The following RAD54L variants were observed in gnomAD, a reference collection of about 807,000 sequenced individuals.
The protein encoded by RAD54L is RAD54 like.
A neutral mutation model predicts 91.6 loss-of-function variants in RAD54L; 74 were observed. The ratio of observed to expected loss-of-function variants is 0.81; its 90% confidence interval spans 0.67 to 0.98. The LOEUF (loss-of-function observed/expected upper bound fraction) is 0.98, where lower values mean the gene tolerates loss of function less well. Ranked by LOEUF, RAD54L falls within the 50% of genes least tolerant of loss-of-function variation. The pLI is 0.00. For missense variants in RAD54L, 887 were observed against 945.7 expected (o/e 0.94, Z 0.81); for synonymous variants, 304 against 349.7 (o/e 0.87, Z 1.46).
In RAD54L at chr1:46,261,253, T is replaced by A. The variant is rs754368985; in HGVS notation, c.767-8T>A. ...TGAATTGTTCCCTTTACACCTTTTC[T>A]GTTGTAGAAGGATTCATGAACCAGC... On this transcript the variant is annotated splice_polypyrimidine_tract_variant and splice_region_variant and intron_variant, in intron 7 of 17. Transcript: ENST00000371975. The A allele has an allele frequency of 1.9e-6, 3 of 1,612,796 alleles. No homozygotes were observed. In the African/African-American group the frequency reaches 4.0e-5, roughly 22 times the overall value.
rs1557696517 is a variant in RAD54L, at chr1:46,248,500, CT to C, written c.4-11del. 1.2e-6 allele frequency: 2 copies of C among 1,614,092 alleles called. No individual in the cohort carries two copies. Among genetic ancestry groups the C allele is most frequent in the Admixed American group, 1.7e-5 (1 of 60,024 alleles). On this transcript the variant is annotated splice_polypyrimidine_tract_variant and intron_variant, in intron 1 of 17. Coordinates refer to ENST00000371975, the MANE Select transcript of RAD54L (RefSeq NM_003579.4). ...GATCCTTGCAGGCACTGTTTCTGTT[CT>C]CCCTTTACAGAGGAGGAGCTTGGCT...
intron 2 of RAD54L, 71 bp downstream of exon 2, chr1:46,248,669 T>C: frequency 7.2e-7 from 1 of 1,387,842 alleles, no homozygotes; most frequent in Non-Finnish European, 1.0e-6. Context: ...ATTTGGTTTC[T>C]AGGGTTACAT....
intron 3 of RAD54L, among the ~76,000 whole-genome samples, chr1:46,258,386 A>G (rs1336686486): frequency 6.6e-6 from 1 of 152,088 alleles, no homozygotes; most frequent in Non-Finnish European, 1.5e-5. Flanking sequence ...AGACATTAGA[A>G]TTATCCATTA....
At chr1:46,275,578 A>G (rs1282603613) in intron 16 of RAD54L, among the ~76,000 whole-genome samples, 1 of 152,176 alleles carries the variant, frequency 6.6e-6, no homozygotes, top group East Asian at 1.9e-4. Context: ...TACACCAGCT[A>G]CATTGCATTT....
intron 2 of RAD54L, among the ~76,000 whole-genome samples, chr1:46,249,593 G>A (rs563036550): frequency 6.6e-6 from 1 of 152,286 alleles, no homozygotes; most frequent in African/African-American, 2.4e-5. Flanking sequence ...AGTGGGGAGT[G>A]GCCTCAGTGG....
chr1:46,274,106 T>G, intron 14 of RAD54L, 32 bp from the exon 15 acceptor site: 2 of 1,577,234 alleles, frequency 1.3e-6, no homozygotes, highest in Middle Eastern at 1.7e-4. Context: ...TCATTGAAGC[T>G]TTATTTTCTT....
At chr1:46,253,610 T>C (rs570034651) in intron 3 of RAD54L, among the ~76,000 whole-genome samples, 99 of 148,804 alleles carry the variant, frequency 6.7e-4, no homozygotes, top group African/African-American at 2.4e-3. Flanking sequence ...CGAGACTCTG[T>C]CTAAAAAAAA....
chr1:46,271,378 G>A (rs889262643), intron 10 of RAD54L, among the ~76,000 whole-genome samples: 1 of 152,134 alleles, frequency 6.6e-6, no homozygotes, highest in Non-Finnish European at 1.5e-5. Context: ...ATGGCAGGAC[G>A]GGCATGGTGG....
Position 46,277,916 on chromosome 1 carries a change from T to A in RAD54L, c.1969T>A (p.Ser657Thr), listed in dbSNP as rs1049493326. 9.3e-6 allele frequency: 15 copies of A among 1,614,004 alleles called. No homozygotes were observed. Among genetic ancestry groups the A allele is most frequent in the African/African-American group, 1.3e-5 (1 of 74,926 alleles). Residue 657 changes from serine to threonine, a missense_variant, in exon 17 of 18, where the codon TCT becomes ACT. Coordinates refer to ENST00000371975, the MANE Select transcript of RAD54L (RefSeq NM_003579.4). ...DEEQDVERHF[S>T]LGELKELFIL... ...GGAGCAGGATGTAGAGCGCCACTTC[T>A]CTCTGGGCGAGTTGAAGGAGCTGTT...
chr1:46,257,678 G>C (rs28363203), intron 3 of RAD54L, among the ~76,000 whole-genome samples: 6,744 of 152,234 alleles, frequency 0.044, 265 homozygotes, highest in African/African-American at 0.097. Context: ...TTTTCTTAGT[G>C]TTGGGCTTAG....
chr1:46,261,133 C>A, intron 7 of RAD54L, 118 bp downstream of exon 7: 1 of 1,541,544 alleles, frequency 6.5e-7, no homozygotes, highest in Non-Finnish European at 8.8e-7. Flanking sequence ...AAGAGAATTT[C>A]CATTGAAAAT....
intron 3 of RAD54L, among the ~76,000 whole-genome samples, chr1:46,251,236 C>A (rs1432753484): frequency 6.6e-6 from 1 of 151,848 alleles, no homozygotes; most frequent in African/African-American, 2.4e-5. Context: ...CACTTGAACC[C>A]GGGAGGCAGC....
At chr1:46,277,614 C>A in intron 16 of RAD54L, 2 of 633,460 alleles carry the variant, frequency 3.2e-6, no homozygotes, top group Non-Finnish European at 5.5e-6. Context: ...CCTGGGTGGG[C>A]AGACTATTCA....
intron 15 of RAD54L, 117 bp from the exon 16 acceptor site, chr1:46,274,421 G>T: frequency 2.2e-6 from 3 of 1,357,766 alleles, no homozygotes; most frequent in Non-Finnish European, 3.2e-6. Context: ...ATAAACTGGT[G>T]GTTTTCACAA....
chr1:46,253,720 C>CTTTTTTTTTTTTTTTTT (rs3063981), intron 3 of RAD54L, among the ~76,000 whole-genome samples: 3 of 83,620 alleles, frequency 3.6e-5, no homozygotes, highest in Non-Finnish European at 6.5e-5. Context: ...CTTAGGTACT[C>CTTTTTTTTTTTTTTTTT]TTTTTTTTTT....
rs1322437607 is a variant in RAD54L, at chr1:46,274,693, T to C, written c.1845T>C (p.Thr615=). The C allele has an allele frequency of 1.9e-6, 3 of 1,614,030 alleles. No individual in the cohort carries two copies. In the African/African-American group the frequency reaches 4.0e-5, roughly 22 times the overall value. The change falls in exon 16 of 18, where the codon ACT becomes ACC. Residue 615 remains threonine (T), a synonymous_variant. Coordinates refer to ENST00000371975, the MANE Select transcript of RAD54L (RefSeq NM_003579.4). ...TCTGGCGAGATGGTCAAAAGAAGAC[T>C]TGCTATATCTACCGCCTGCTGTCTG... The part of the protein sequence containing the change: ...ARVWRDGQKK[T]CYIYRLLSAG...
Position 46,253,720 on chromosome 1 carries a change from C to CTTTTTTTTTTT in RAD54L, c.210+3612_210+3622dup, listed in dbSNP as rs3063981. 1.2e-3 allele frequency among the ~76,000 whole-genome samples: 100 copies of CTTTTTTTTTTT among 83,616 alleles called. 8 individuals are homozygous for CTTTTTTTTTTT. The highest frequency in any genetic ancestry group is 2.1e-3 in the Admixed American group (12 of 5,608). 54.9% of individuals were successfully genotyped at this position (83,616 alleles called of 152,430 possible). A position where few individuals can be genotyped will look rare whatever the true frequency, so the allele number is the denominator to read the frequency against. On this transcript the variant is annotated intron_variant, in intron 3 of 17. Transcript: ENST00000371975. ...ACTCACAGTGATATACTTAGGTACT[C>CTTTTTTTTTTT]TTTTTTTTTTTTTTTTTTTTTGAGA... is the stretch of plus-strand genomic sequence containing the variant.
At position 46,260,878 on chromosome 1, in the gene RAD54L, A is replaced by C; in HGVS notation, c.629A>C (p.Glu210Ala). ...CGCCAGAGTCCAGAGTGCAAGCCAG[A>C]AATTGACAAGGCAGTGGTGGTGTCG... ...LLRQSPECKP[E>A]IDKAVVVSPS... Residue 210 changes from glutamate to alanine, a missense_variant, in exon 7 of 18, where the codon GAA becomes GCA. Coordinates refer to ENST00000371975, the MANE Select transcript of RAD54L (RefSeq NM_003579.4). The C allele has an allele frequency of 6.2e-7, 1 of 1,614,254 alleles. No individual in the cohort carries two copies. Among genetic ancestry groups the C allele is most frequent in the Non-Finnish European group, 8.5e-7 (1 of 1,180,050 alleles).
intron 3 of RAD54L, among the ~76,000 whole-genome samples, 166 bp from the exon 4 acceptor site, chr1:46,258,520 G>A (rs1157471365): frequency 1.3e-5 from 2 of 152,170 alleles, no homozygotes; most frequent in Non-Finnish European, 2.9e-5. Flanking sequence ...TAAGCCTCGT[G>A]GTTGACTGAG....
Sources: allele counts gnomAD v4.1 joint callset (sites outside exome capture counted in the v4.1 genomes callset), GRCh38; gene constraint gnomAD v4.1.1; transcripts MANE v1.5; gene names NCBI Gene and HGNC (gene_info 2026-07-23, HGNC 2026-07-21).